TNRC6B: variants seen among roughly 807,000 people sequenced by gnomAD.
The protein encoded by TNRC6B is trinucleotide repeat containing adaptor 6B.
Under a neutral mutation model 203.6 loss-of-function variants are expected in TNRC6B, and 52 were observed. That is an observed-to-expected ratio of 0.26 (90% CI 0.20 to 0.32). The LOEUF is 0.32. Among genes scored for constraint, TNRC6B ranks in the 10% least tolerant of loss-of-function variants. The pLI, the probability that TNRC6B is intolerant of heterozygous loss-of-function variation, is 1.00. For synonymous variants in TNRC6B, 838 were observed against 845.7 expected, an observed-to-expected ratio of 0.99 and a Z score of 0.16; for missense variants, 1,923 against 2,286.2, an observed-to-expected ratio of 0.84 and a Z score of 3.24.
chr22:40,172,548 T>C lies in TNRC6B; in HGVS notation c.113+16366T>C, dbSNP rs183769054. 1.6e-4 allele frequency among the ~76,000 whole-genome samples: 25 copies of C among 152,376 alleles called. No individual in the cohort carries two copies. In the Middle Eastern group the frequency reaches 0.01, roughly 62 times the overall value. On this transcript the variant is annotated intron_variant, in intron 4 of 23. Coordinates refer to the TNRC6B transcript ENST00000301923. ...CCTATGTGGTCATAATGAATTATTC[T>C]CTTAAAACTACTCAGTTCTGTCTGA...
intron 15 of TNRC6B, among the ~76,000 whole-genome samples, chr22:40,302,430 C>T (rs557784725): frequency 2.6e-5 from 4 of 152,030 alleles, no homozygotes; most frequent in Non-Finnish European, 5.9e-5. Context: ...GTCAGGAGAT[C>T]GAGACCAGCC....
intron 15 of TNRC6B, among the ~76,000 whole-genome samples, chr22:40,304,625 T>C (rs1186277174): frequency 6.6e-6 from 1 of 152,176 alleles, no homozygotes; most frequent in Non-Finnish European, 1.5e-5. Flanking sequence ...AAATTTAAAA[T>C]AAGATGGTAG....
chr22:40,209,483 C>G (rs1807885802), intron 1 of TNRC6B, among the ~76,000 whole-genome samples: 1 of 152,184 alleles, frequency 6.6e-6, no homozygotes, highest in African/African-American at 2.4e-5. Context: ...AGTAAAAACT[C>G]TGTAATTTAC....
intron 4 of TNRC6B, among the ~76,000 whole-genome samples, chr22:40,158,403 G>A (rs2068838102): frequency 6.6e-6 from 1 of 151,344 alleles, no homozygotes; most frequent in African/African-American, 2.4e-5. Flanking sequence ...GGGAGTTGAG[G>A]GAGACAATGA....
intron 1 of TNRC6B, among the ~76,000 whole-genome samples, chr22:40,115,636 C>T (rs552169133): frequency 1.1e-4 from 17 of 152,118 alleles, no homozygotes; most frequent in Middle Eastern, 3.4e-3. Flanking sequence ...AAAATGGACC[C>T]GTGGATATTA....
intron 3 of TNRC6B, among the ~76,000 whole-genome samples, chr22:40,132,715 G>A (rs567109191): frequency 6.1e-4 from 92 of 149,806 alleles, no homozygotes; most frequent in African/African-American, 2.1e-3. Context: ...AGGCCAAGGC[G>A]GGTGGATCAC....
At chr22:40,160,790 T>G (rs551939009) in intron 4 of TNRC6B, among the ~76,000 whole-genome samples, 1 of 152,140 alleles carries the variant, frequency 6.6e-6, no homozygotes, top group African/African-American at 2.4e-5. Context: ...TCTCAAACTC[T>G]TGGGCTCAGG....
chr22:40,281,015 TCTAA>T lies in TNRC6B; in HGVS notation c.3412-101_3412-98del, dbSNP rs756636823. 1,379 of 1,015,698 alleles carry T rather than the reference TCTAA, an allele frequency of 1.4e-3. 2 individuals carry two copies. Among genetic ancestry groups the T allele is most frequent in the Non-Finnish European group, 1.8e-3 (1,260 of 704,922 alleles). The allele number at this position is 1,015,698 out of a possible 1,614,324, so 62.9% of individuals were successfully genotyped here. A position where few individuals can be genotyped will look rare whatever the true frequency, so the allele number is the denominator to read the frequency against. On this transcript the variant is annotated intron_variant, in intron 10 of 22. Coordinates refer to ENST00000454349, the MANE Select transcript of TNRC6B (RefSeq NM_001162501.2). ...CCATCCTTGGTTATTGCTAATACAC[TCTAA>T]CTTTGTTTATTGCTAGTGTTTCTCT...
intron 12 of TNRC6B, among the ~76,000 whole-genome samples, chr22:40,290,421 A>G (rs1299539672): frequency 1.3e-5 from 2 of 152,066 alleles, no homozygotes; most frequent in Non-Finnish European, 2.9e-5. Flanking sequence ...GCAAAAGCAA[A>G]GTCTTTACTC....
intron 1 of TNRC6B, among the ~76,000 whole-genome samples, chr22:40,231,787 G>A (rs1037410796): frequency 2.6e-5 from 4 of 152,218 alleles, no homozygotes; most frequent in Non-Finnish European, 5.9e-5. Context: ...TATTCCTAGA[G>A]GAGCAGTCAT....
At chr22:40,230,526 A>G (rs1338100111) in intron 1 of TNRC6B, among the ~76,000 whole-genome samples, 2 of 151,948 alleles carry the variant, frequency 1.3e-5, no homozygotes, top group Non-Finnish European at 2.9e-5. Context: ...TCCTGACCTC[A>G]AGTGATCCAC....
At chr22:40,278,569 A>C (rs1434294000) in intron 9 of TNRC6B, among the ~76,000 whole-genome samples, 4 of 150,578 alleles carry the variant, frequency 2.7e-5, no homozygotes, top group East Asian at 2.0e-4. Flanking sequence ...AAAAAAAAAA[A>C]AAAAACCTGG....
intron 1 of TNRC6B, among the ~76,000 whole-genome samples, chr22:40,206,132 A>G (rs556625307): frequency 6.6e-6 from 1 of 152,148 alleles, no homozygotes; most frequent in Non-Finnish European, 1.5e-5. Context: ...CCAGAAATAT[A>G]TTTTTTTAAT....
chr22:40,232,652 G>A (rs768847443), intron 1 of TNRC6B, among the ~76,000 whole-genome samples: 1 of 152,092 alleles, frequency 6.6e-6, no homozygotes, highest in African/African-American at 2.4e-5. Context: ...TTTTTGCGGG[G>A]AAAAAGCTTT....
At chr22:40,188,402 T>C (rs1196234465) in intron 1 of TNRC6B, among the ~76,000 whole-genome samples, 6 of 152,222 alleles carry the variant, frequency 3.9e-5, no homozygotes, top group African/African-American at 1.2e-4. Flanking sequence ...GTTTTTTGTT[T>C]GTTTAATCAG....
intron 11 of TNRC6B, among the ~76,000 whole-genome samples, chr22:40,284,310 C>G (rs982837187): frequency 2.6e-5 from 4 of 152,180 alleles, no homozygotes; most frequent in African/African-American, 9.7e-5. Flanking sequence ...GTCCCTTAAT[C>G]TATTTTTTAA....
intron 1 of TNRC6B, among the ~76,000 whole-genome samples, chr22:40,079,877 G>GC (rs1209892334): frequency 3.3e-5 from 5 of 152,078 alleles, no homozygotes; most frequent in Admixed American, 2.0e-4. Flanking sequence ...CTCACTGCAA[G>GC]CTCCGCCTCC....
In TNRC6B at chr22:40,178,071, C is replaced by T. The variant is rs566895133; in HGVS notation, c.-65C>T. On this transcript the variant is annotated 5_prime_UTR_variant, in exon 1 of 23. Coordinates refer to ENST00000454349, the MANE Select transcript of TNRC6B (RefSeq NM_001162501.2). ...GACAAAAAGAATTCATTTTTTGGAC[C>T]TTTTTTCATTTCCATTTCTACCTTG... The T allele has an allele frequency of 1.4e-5, 23 of 1,593,952 alleles. No individual in the cohort carries two copies. The highest frequency in any genetic ancestry group is 2.0e-5 in the Non-Finnish European group (23 of 1,173,068).
At chr22:40,061,848 T>C (rs995828212) in intron 1 of TNRC6B, among the ~76,000 whole-genome samples, 2 of 151,870 alleles carry the variant, frequency 1.3e-5, no homozygotes, top group African/African-American at 4.8e-5. Flanking sequence ...CCAAGGTGGG[T>C]GGATCATCTG....
Sources: gnomAD v4.1 joint callset for allele counts (sites outside exome capture counted in the v4.1 genomes callset) on GRCh38, gnomAD v4.1.1 for gene constraint, MANE v1.5 for transcripts, NCBI Gene and HGNC (gene_info 2026-07-23, HGNC 2026-07-21) for gene names.